MYOM1: variants seen among roughly 807,000 people sequenced by gnomAD.
MYOM1 encodes myomesin 1.
A neutral mutation model predicts 205.3 loss-of-function variants in MYOM1; 164 were observed. The observed-to-expected ratio is 0.80, with a 90% CI of 0.70 to 0.91. The LOEUF (loss-of-function observed/expected upper bound fraction) is 0.91, where lower values mean the gene tolerates loss of function less well. Among genes scored for constraint, MYOM1 ranks in the 40% least tolerant of loss-of-function variants. The probability of loss-of-function intolerance (pLI) is 0.00; values close to 1 mark genes in which losing one functional copy is unlikely to be tolerated. For missense variants in MYOM1, 2,011 were observed against 2,127.3 expected (o/e 0.95, Z 1.08); for synonymous variants, 772 against 789.4 (o/e 0.98, Z 0.37).
chr18:3,138,709 C>T (rs1197934633), intron 14 of MYOM1, among the ~76,000 whole-genome samples: 1 of 152,136 alleles, frequency 6.6e-6, no homozygotes, highest in African/African-American at 2.4e-5. Context: ...AAATAGCTGC[C>T]TTTCACTGTG....
At chr18:3,130,303 A>C (rs1339752799) in intron 17 of MYOM1, among the ~76,000 whole-genome samples, 1 of 152,176 alleles carries the variant, frequency 6.6e-6, no homozygotes, top group Admixed American at 6.5e-5. Context: ...TTAGCCTCCC[A>C]AAGTGCTGGG....
At chr18:3,172,842 A>T (rs1293273466) in intron 8 of MYOM1, among the ~76,000 whole-genome samples, 1 of 152,284 alleles carries the variant, frequency 6.6e-6, no homozygotes, top group Non-Finnish European at 1.5e-5. Flanking sequence ...AAATCAAGAG[A>T]TGGGAGAAGA....
chr18:3,112,603 CTA>C (rs1033861736), intron 21 of MYOM1, among the ~76,000 whole-genome samples, 191 bp from the exon 22 acceptor site: 2 of 152,226 alleles, frequency 1.3e-5, no homozygotes, highest in African/African-American at 4.8e-5. Flanking sequence ...GGTCTTCTCT[CTA>C]GACCATCTGT....
chr18:3,155,284 G>T (rs561727244), intron 10 of MYOM1, among the ~76,000 whole-genome samples, 196 bp from the exon 11 acceptor site: 1 of 152,108 alleles, frequency 6.6e-6, no homozygotes, highest in Admixed American at 6.5e-5. Context: ...GGCAGAGGTG[G>T]GATCTCAGCT....
At chr18:3,144,961 T>G (rs1005463923) in intron 13 of MYOM1, among the ~76,000 whole-genome samples, 2 of 152,212 alleles carry the variant, frequency 1.3e-5, no homozygotes, top group Admixed American at 6.5e-5. Context: ...ACTTGAGCAA[T>G]GCTATCAACT....
intron 19 of MYOM1, among the ~76,000 whole-genome samples, chr18:3,125,461 A>T (rs998207346): frequency 1.3e-5 from 2 of 152,198 alleles, no homozygotes; most frequent in African/African-American, 2.4e-5. Flanking sequence ...GAATCTTAAA[A>T]ATACAATTTT....
In MYOM1 at chr18:3,112,409, G is replaced by A. The variant is rs753018401; in HGVS notation, c.3307C>T (p.Arg1103Ter). 8.8e-6 allele frequency: 14 copies of A among 1,596,386 alleles called. No homozygotes were observed. Among genetic ancestry groups the A allele is most frequent in the Middle Eastern group, 1.7e-4 (1 of 5,956 alleles). The change falls in exon 22 of 38, where the codon CGA becomes TGA. Residue 1103 changes from arginine (R) to a stop codon, truncating the protein, a stop_gained. Coordinates refer to ENST00000356443, the MANE Select transcript of MYOM1 (RefSeq NM_003803.4). LOFTEE classifies it high-confidence loss of function. ...TAGCTGACGCCCTCCTTGAGGCCTC[G>A]AACCTGGTAGAAGCAGGTGTAGAAG... is the stretch of plus-strand genomic sequence containing the variant. ...AAIKNVYLKV[R>*]GLKEGVSYVF... is the part of the protein sequence containing the mutation.
chr18:3,119,766 C>G, intron 20 of MYOM1, 103 bp downstream of exon 20: 1 of 1,373,714 alleles, frequency 7.3e-7, no homozygotes, highest in South Asian at 1.8e-5. Context: ...AATTCTTTTC[C>G]CTTAAATATT....
chr18:3,117,479 A>G (rs1057345955), intron 20 of MYOM1, among the ~76,000 whole-genome samples: 14 of 43,632 alleles, frequency 3.2e-4, no homozygotes, highest in Admixed American at 1.8e-3. Context: ...AAGACAATTA[A>G]CAGAAAGAAA....
rs1042227375 is a variant in MYOM1 at position 3,112,234 on chromosome 18, G to A, written c.3418+64C>T. The A allele has an allele frequency of 2.6e-5, 35 of 1,365,390 alleles. 2 individuals are homozygous for A. The Middle Eastern group carries it at 1.6e-3, about 64-fold the overall frequency. 84.6% of individuals were successfully genotyped at this position (1,365,390 alleles called of 1,614,324 possible). A position where few individuals can be genotyped will look rare whatever the true frequency, so the allele number is the denominator to read the frequency against. ...GAAAATTAGAGGAAAGCACAGAAAG[G>A]CCGAACCTTAGTTCAGTATCTTACA... On this transcript the variant is annotated intron_variant, in intron 22 of 37. Transcript: ENST00000356443.
chr18:3,104,745 CTTTTTTTT>C (rs745369627), intron 22 of MYOM1, among the ~76,000 whole-genome samples: 19 of 80,600 alleles, frequency 2.4e-4, no homozygotes, highest in African/African-American at 8.7e-4. Flanking sequence ...GAATTGGAAT[CTTTTTTTT>C]TTTTTTTTTT....
chr18:3,119,831 T>C, intron 20 of MYOM1, 38 bp downstream of exon 20: 6 of 1,567,220 alleles, frequency 3.8e-6, no homozygotes, highest in Non-Finnish European at 4.3e-6. Context: ...TGGAGGAAAT[T>C]CCGAGGTGCG....
At chr18:3,240,336 C>T in the MYOM1 span, among the ~76,000 whole-genome samples, 1 of 152,176 alleles carries the variant, frequency 6.6e-6, no homozygotes, top group East Asian at 1.9e-4. Flanking sequence ...ATCCTGAATT[C>T]CCACATGTTG....
chr18:3,181,888 C>T (rs1156311443), intron 5 of MYOM1, among the ~76,000 whole-genome samples: 1 of 151,988 alleles, frequency 6.6e-6, no homozygotes, highest in African/African-American at 2.4e-5. Flanking sequence ...TTCCTGCCAC[C>T]ACACCCGGCT....
chr18:3,176,720 G>A (rs1319704301), intron 5 of MYOM1, among the ~76,000 whole-genome samples: 2 of 151,498 alleles, frequency 1.3e-5, no homozygotes, highest in African/African-American at 4.9e-5. Context: ...ATCTCTACTA[G>A]TAATACTAAA....
chr18:3,095,337 G>T (rs1298915686), intron 25 of MYOM1, among the ~76,000 whole-genome samples: 1 of 152,124 alleles, frequency 6.6e-6, no homozygotes, highest in Non-Finnish European at 1.5e-5. Context: ...GGGAGGCCGA[G>T]GGGGGCAAAT....
rs903460213 is a variant in MYOM1 at position 3,108,169 on chromosome 18, GA to G, written c.3418+4128del. On this transcript the variant is annotated intron_variant, in intron 22 of 37. Transcript: ENST00000356443. ...TCTGAGCCTTCAGGGAGACTGATTT[GA>G]CTGATAACTCTAGGTCTCTCGCTTC... Among the ~76,000 whole-genome samples, 60 of 152,172 alleles carry G rather than the reference GA, an allele frequency of 3.9e-4. 1 individual carries two copies. Among genetic ancestry groups the G allele is most frequent in the African/African-American group, 1.4e-3 (56 of 41,446 alleles).
At chr18:3,187,402 G>A in intron 5 of MYOM1, 78 bp downstream of exon 5, 1 of 1,479,180 alleles carries the variant, frequency 6.8e-7, no homozygotes, top group South Asian at 1.2e-5. Context: ...CTTGCATATG[G>A]TTGTTCTGTG....
At position 3,085,149 on chromosome 18, in the gene MYOM1, A is replaced by G. The variant is rs1409902324; in HGVS notation, c.4252-17T>C. 6.4e-7 allele frequency: 1 copy of G among 1,573,894 alleles called. No individual in the cohort carries two copies. Among genetic ancestry groups the G allele is most frequent in the Non-Finnish European group, 8.7e-7 (1 of 1,154,848 alleles). On this transcript the variant is annotated splice_polypyrimidine_tract_variant and intron_variant, in intron 30 of 37. Transcript: ENST00000356443. Reference sequence around the variant, plus strand: ...CTTGGAAAACTAAGGGGGAATAGATATACCACATTGCACCTTTCGTAGCCC... The same window carrying G: ...CTTGGAAAACTAAGGGGGAATAGATGTACCACATTGCACCTTTCGTAGCCC...
Sources: allele counts gnomAD v4.1 joint callset (sites outside exome capture counted in the v4.1 genomes callset), GRCh38; gene constraint gnomAD v4.1.1; transcripts MANE v1.5; gene names NCBI Gene and HGNC (gene_info 2026-07-23, HGNC 2026-07-21).